Variants in MUC5B observed in about 807,000 individuals in gnomAD.
The protein encoded by MUC5B is mucin 5B, oligomeric mucus/gel-forming.
In MUC5B, 116 loss-of-function variants were observed where a neutral mutation model predicts 376.9. That is an observed-to-expected ratio of 0.31 (90% confidence interval 0.26 to 0.36). The LOEUF (loss-of-function observed/expected upper bound fraction) is 0.36. Ranked by LOEUF, MUC5B falls within the 10% of genes least tolerant of loss-of-function variation. The probability of loss-of-function intolerance (pLI) is 1.00; values close to 1 mark genes in which losing one functional copy is unlikely to be tolerated. For synonymous variants in MUC5B, 3,517 were observed against 3,390.9 expected (o/e 1.04, Z -1.29); for missense variants, 7,165 against 7,769.9 (o/e 0.92, Z 2.93).
rs1476385764 is a variant in MUC5B at position 1,250,290 on chromosome 11, C to T, written c.13410C>T (p.Ser4470=). 6.2e-7 allele frequency: 1 copy of T among 1,613,140 alleles called. No homozygotes were observed. Among genetic ancestry groups the T allele is most frequent in the Non-Finnish European group, 8.5e-7 (1 of 1,179,694 alleles). ...TVPTGSTATA[S]STQATAGTPH... ...CCACCGGATCCACGGCCACCGCCTC[C>T]TCCACCCAGGCAACTGCTGGCACCC... Residue 4470 remains serine (S), a synonymous_variant, in exon 31 of 49, where the codon TCC becomes TCT. Transcript: ENST00000529681.
intron 8 of MUC5B, 34 bp from the exon 9 acceptor site, chr11:1,229,136 T>C (rs770347560): frequency 1.9e-6 from 3 of 1,545,726 alleles, no homozygotes; most frequent in Non-Finnish European, 2.6e-6. Context: ...TACAGGGCCC[T>C]TCCCCTGGCC....
Position 1,225,558 on chromosome 11 carries a change from GA to G in MUC5B, c.71-122del, listed in dbSNP as rs1224534565. ...CGTGAGGGTGAACCTGCAGGGCATG[GA>G]GACCGCCACCAAGGACCCCACATGC... On this transcript the variant is annotated intron_variant, in intron 1 of 48. Transcript: ENST00000529681. 3.6e-6 allele frequency: 3 copies of G among 842,780 alleles called. No homozygotes were observed. The Admixed American group carries it at 7.2e-5, about 20-fold the overall frequency. 52.2% of individuals were successfully genotyped at this position (842,780 alleles called of 1,614,324 possible). A position where few individuals can be genotyped will look rare whatever the true frequency, so the allele number is the denominator to read the frequency against.
chr11:1,258,270 G>T lies in MUC5B; in HGVS notation c.16556-60G>T. 6.3e-7 allele frequency: 1 copy of T among 1,592,502 alleles called. No individual in the cohort carries two copies. Reference sequence around the variant, plus strand: ...GGGGGTGGGGGAGTGCAGGATGGTGGGGGCGCTGGAGCACATGCTCCCCAC... The same window carrying T: ...GGGGGTGGGGGAGTGCAGGATGGTGTGGGCGCTGGAGCACATGCTCCCCAC... On this transcript the variant is annotated intron_variant, in intron 42 of 48. Transcript: ENST00000529681. This position sits in a 1 kb window ranked among gnomAD's most constrained non-coding sequence, Gnocchi z 5.5.
In MUC5B at chr11:1,231,409, C is replaced by G; in HGVS notation, c.1541-14C>G. Reference sequence around the variant, plus strand: ...CTGCACCCCTGACCGGCCTCTCCCCCACACTCCCGGCAGCCAACATCACCC... The same window carrying G: ...CTGCACCCCTGACCGGCCTCTCCCCGACACTCCCGGCAGCCAACATCACCC... On this transcript the variant is annotated splice_polypyrimidine_tract_variant and intron_variant, in intron 13 of 48. Transcript: ENST00000529681. The G allele has an allele frequency of 6.2e-7, 1 of 1,603,418 alleles. No homozygotes were observed. The highest frequency in any genetic ancestry group is 8.5e-7 in the Non-Finnish European group (1 of 1,174,212).
rs1262297077 is a variant in MUC5B, at chr11:1,248,405, C to T, written c.11525C>T (p.Thr3842Ile). Residue 3842 changes from threonine to isoleucine, a missense_variant, in exon 31 of 49, where the codon ACC becomes ATC. Physicochemically the swap from Thr to Ile is moderately conservative, Grantham distance 89. Transcript: ENST00000529681. ...HTSTVLTTTA[T>I]TTRATGSVAT... ...TCCACAGTGCTTACCACCACGGCCA[C>T]CACAACCAGGGCCACCGGCTCTGTG... is the stretch of plus-strand genomic sequence containing the variant. 6.2e-7 allele frequency: 1 copy of T among 1,612,662 alleles called. No individual in the cohort carries two copies. Among genetic ancestry groups the T allele is most frequent in the Non-Finnish European group, 8.5e-7 (1 of 1,179,336 alleles).
At chr11:1,229,872 G>T (rs1303621522) in intron 10 of MUC5B, 65 bp downstream of exon 10, 4 of 1,541,286 alleles carry the variant, frequency 2.6e-6, no homozygotes, top group Admixed American at 1.9e-5. Flanking sequence ...TTATGAACCC[G>T]CCAGCCTCTG....
At chr11:1,259,367 C>T (rs1862939647) in intron 44 of MUC5B, among the ~76,000 whole-genome samples, 1 of 152,204 alleles carries the variant, frequency 6.6e-6, no homozygotes, top group Admixed American at 6.5e-5. Flanking sequence ...CCCACAGCTG[C>T]TGGGCAGACC....
intron 11 of MUC5B, 26 bp from the exon 12 acceptor site, chr11:1,230,464 A>G (rs1399063622): frequency 1.3e-6 from 2 of 1,562,956 alleles, no homozygotes; most frequent in Non-Finnish European, 1.7e-6. Context: ...GCCAGGCCCA[A>G]TGCACGCGTG....
chr11:1,236,590 C>G (rs376934978), intron 24 of MUC5B, 28 bp downstream of exon 24: 81 of 1,597,102 alleles, frequency 5.1e-5, no homozygotes, highest in Non-Finnish European at 6.9e-5. Flanking sequence ...ACTCCTAGGC[C>G]CTGCAGGACC....
chr11:1,261,591 G>A lies in MUC5B; in HGVS notation c.17272G>A (p.Glu5758Lys), dbSNP rs772278516. The change falls in exon 49 of 49, where the codon GAG (glutamate) becomes AAG (lysine). Residue 5758 changes from glutamate to lysine, a missense_variant. Around this residue, in one of 31 missense-constraint regions of MUC5B, gnomAD observed 842 missense variants for 1,016.9 expected, o/e 0.83. Coordinates refer to ENST00000529681, the MANE Select transcript of MUC5B (RefSeq NM_002458.3). ...ACACACCCGTGGCTTCCCGGCCCAG[G>A]AGGCCACTGCTGTCTGAGAACGTTC... ...PPHTRGFPAQEATAV is the reference protein window; with the variant it reads ...PPHTRGFPAQKATAV 6 of 1,606,112 alleles carry A rather than the reference G, an allele frequency of 3.7e-6. No individual in the cohort carries two copies. The highest frequency in any genetic ancestry group is 2.7e-5 in the African/African-American group (2 of 74,830).
At position 1,233,805 on chromosome 11, in the gene MUC5B, T is replaced by C; in HGVS notation, c.2334T>C (p.Gly778=). The change falls in exon 19 of 49, where the codon GGT becomes GGC. Residue 778 remains glycine (G), a synonymous_variant. Transcript: ENST00000529681. ...CTGTCTCTTGTAGTTCATGTACGGG[T>C]GGGAAGCTAAGCTGCCTGGGAGCCT... ...HDEGAVCSCT[G]GKLSCLGASL... 6.2e-7 allele frequency: 1 copy of C among 1,605,334 alleles called. No homozygotes were observed. The highest frequency in any genetic ancestry group is 8.5e-7 in the Non-Finnish European group (1 of 1,176,556).
rs773672566 is a variant in MUC5B at position 1,242,612 on chromosome 11, C to A, written c.5732C>A (p.Thr1911Asn). The A allele has an allele frequency of 4.3e-6, 7 of 1,613,708 alleles. No individual in the cohort carries two copies. The highest frequency in any genetic ancestry group is 4.2e-6 in the Non-Finnish European group (5 of 1,179,822). ...PGTTWILTKP[T>N]TTATTTASTG... is the part of the protein sequence containing the mutation. The stretch of plus-strand genomic sequence containing the variant: ...ACGACCTGGATCCTCACAAAGCCGA[C>A]CACAACAGCCACTACGACTGCGTCC... Residue 1911 changes from threonine to asparagine, a missense_variant, in exon 31 of 49, where the codon ACC (threonine) becomes AAC (asparagine). Thr to Asn is a moderately conservative substitution (Grantham distance 65). Coordinates refer to ENST00000529681, the MANE Select transcript of MUC5B (RefSeq NM_002458.3).
Position 1,248,473 on chromosome 11 carries a change from G to A in MUC5B, c.11593G>A (p.Val3865Met), listed in dbSNP as rs375778294. The change falls in exon 31 of 49, where the codon GTG becomes ATG. Residue 3865 changes from valine to methionine, a missense_variant. Physicochemically the swap from Val to Met is conservative, Grantham distance 21. Around this residue, in one of 31 missense-constraint regions of MUC5B, gnomAD observed 242 missense variants for 199.0 expected, o/e 1.22. Coordinates refer to ENST00000529681, the MANE Select transcript of MUC5B (RefSeq NM_002458.3). Reference protein sequence around the residue: ...STPGTAHTTKVPTTTTTGFTV... With the variant: ...STPGTAHTTKMPTTTTTGFTV... ...CCCAGGAACAGCTCACACTACCAAA[G>A]TGCCGACTACCACAACCACGGGCTT... The A allele has an allele frequency of 4.8e-5, 77 of 1,610,236 alleles. 2 individuals are homozygous for A. Among genetic ancestry groups the A allele is most frequent in the Non-Finnish European group, 5.9e-5 (69 of 1,178,160 alleles).
rs1254423616 is a variant in MUC5B, at chr11:1,246,602, C to T, written c.9722C>T (p.Pro3241Leu). 6.2e-7 allele frequency: 1 copy of T among 1,613,332 alleles called. No individual in the cohort carries two copies. The highest frequency in any genetic ancestry group is 1.1e-5 in the South Asian group (1 of 91,040). Reference protein sequence around the residue: ...TPTATSVTAIPSSSLGTAWTR... With the variant: ...TPTATSVTAILSSSLGTAWTR... ...ACAGCTACCAGCGTTACAGCCATCC[C>T]CTCTTCCTCCCTGGGCACCGCCTGG... The change falls in exon 31 of 49, where the codon CCC (proline) becomes CTC (leucine). Residue 3241 changes from proline (P) to leucine (L), a missense_variant. Pro to Leu is a moderately conservative substitution (Grantham distance 98). Coordinates refer to ENST00000529681, the MANE Select transcript of MUC5B (RefSeq NM_002458.3).
Position 1,244,431 on chromosome 11 carries a change from G to T in MUC5B, c.7551G>T (p.Gly2517=), listed in dbSNP as rs367853376. The T allele has an allele frequency of 2.1e-5, 33 of 1,604,538 alleles. No homozygotes were observed. In the African/African-American group the frequency reaches 3.9e-4, roughly 19 times the overall value. ...AAGCCACTCCCTTCTCCAGTCCAGG[G>T]ACTGCAACCGCCCTTCCAGCACTGA... The part of the protein sequence containing the change: ...SSKATPFSSP[G]TATALPALRS... Residue 2517 remains glycine, a synonymous_variant, in exon 31 of 49, where the codon GGG becomes GGT. Transcript: ENST00000529681.
At chr11:1,236,841 G>A (rs1275274489) in intron 24 of MUC5B, 84 bp from the exon 25 acceptor site, 1 of 1,382,034 alleles carries the variant, frequency 7.2e-7, no homozygotes, top group Non-Finnish European at 9.4e-7. Flanking sequence ...CGAGGGCTCT[G>A]GAGCCCAGGG....
At chr11:1,231,664 G>A in intron 14 of MUC5B, 104 bp downstream of exon 14, 1 of 1,364,258 alleles carries the variant, frequency 7.3e-7, no homozygotes, top group East Asian at 2.5e-5. Context: ...GGGGACCGGG[G>A]AGGGGGCTGC....
Position 1,226,795 on chromosome 11 carries a change from C to T in MUC5B, c.380C>T (p.Pro127Leu), listed in dbSNP as rs1861894393. ...CGCCGAGGCCTAGTGGGCTCCAGGC[C>T]TGTGGTCACCCGTGTTGTCATCAAG... ...QLRRGLVGSR[P>L]VVTRVVIKAQ... Residue 127 changes from proline (P) to leucine (L), a missense_variant, in exon 4 of 49, where the codon CCT (proline) becomes CTT (leucine). Pro to Leu is a moderately conservative substitution (Grantham distance 98, BLOSUM62 -3). This residue lies in a region of MUC5B where 640 missense variants were observed against 733.0 expected (regional missense o/e 0.87). Coordinates refer to ENST00000529681, the MANE Select transcript of MUC5B (RefSeq NM_002458.3). The T allele has an allele frequency of 6.2e-7, 1 of 1,612,086 alleles. No homozygotes were observed. Among genetic ancestry groups the T allele is most frequent in the Non-Finnish European group, 8.5e-7 (1 of 1,179,806 alleles).
intron 48 of MUC5B, 40 bp downstream of exon 48, chr11:1,260,768 G>A: frequency 2.0e-6 from 3 of 1,477,692 alleles, no homozygotes; most frequent in Non-Finnish European, 2.8e-6. Flanking sequence ...GCACCTGCGT[G>A]TGGTGGGTCC....
Sources: allele counts gnomAD v4.1 joint callset (sites outside exome capture counted in the v4.1 genomes callset), GRCh38; gene constraint gnomAD v4.1.1; regional missense constraint gnomAD v4.1.1; non-coding constraint Gnocchi (gnomAD v3.1); transcripts MANE v1.5; gene names NCBI Gene and HGNC (gene_info 2026-07-23, HGNC 2026-07-21).